GPC6: variants seen among roughly 807,000 people sequenced by gnomAD.
GPC6 encodes glypican-6.
GPC6 carries 14 observed loss-of-function variants against 55.2 expected under a neutral mutation model. That is an observed-to-expected ratio of 0.25 (90% CI 0.17 to 0.40). The LOEUF is 0.40. Among genes scored for constraint, GPC6 ranks in the 10% least tolerant of loss-of-function variants. The probability of loss-of-function intolerance (pLI) is 1.00; values close to 1 mark genes in which losing one functional copy is unlikely to be tolerated. For synonymous variants in GPC6, 278 were observed against 259.6 expected (o/e 1.07, Z -0.68); for missense variants, 641 against 708.5 (o/e 0.90, Z 1.08).
intron 1 of GPC6, among the ~76,000 whole-genome samples, chr13:93,429,691 G>A (rs188876102): frequency 6.1e-4 from 93 of 152,200 alleles, no homozygotes; most frequent in African/African-American, 2.0e-3. Context: ...GACAAGCAAC[G>A]ACTTTTTAGT....
chr13:93,717,248 A>G (rs1173019364), intron 2 of GPC6, among the ~76,000 whole-genome samples: 1 of 151,726 alleles, frequency 6.6e-6, no homozygotes, highest in Admixed American at 6.6e-5. Flanking sequence ...TAGTTATTCT[A>G]TAAATAAAAG....
At chr13:93,877,857 G>A (rs995148401) in intron 3 of GPC6, among the ~76,000 whole-genome samples, 2 of 152,056 alleles carry the variant, frequency 1.3e-5, no homozygotes, top group Non-Finnish European at 2.9e-5. Flanking sequence ...GGTGGAGACA[G>A]AATAGCATGG....
At chr13:94,217,583 T>G (rs762102627) in intron 4 of GPC6, among the ~76,000 whole-genome samples, 2 of 152,184 alleles carry the variant, frequency 1.3e-5, no homozygotes, top group Non-Finnish European at 2.9e-5. Context: ...TATTAGTTAT[T>G]CTGTCTCATC....
chr13:93,303,317 G>A (rs957222017), intron 1 of GPC6, among the ~76,000 whole-genome samples: 3 of 152,088 alleles, frequency 2.0e-5, no homozygotes, highest in Admixed American at 6.6e-5. Flanking sequence ...CAGTTTACTC[G>A]GACTTTGGTT....
At chr13:93,714,698 A>T (rs1249575106) in intron 2 of GPC6, among the ~76,000 whole-genome samples, 1 of 151,682 alleles carries the variant, frequency 6.6e-6, no homozygotes, top group East Asian at 2.0e-4. Context: ...AGCAAATCAC[A>T]AGGAGAAAGC....
chr13:93,430,339 G>A (rs1486021234), intron 1 of GPC6, among the ~76,000 whole-genome samples: 3 of 152,016 alleles, frequency 2.0e-5, no homozygotes, highest in Admixed American at 1.3e-4. Context: ...TTGAGCATTA[G>A]CATGATATTA....
At chr13:93,742,738 T>A (rs1204878261) in intron 2 of GPC6, among the ~76,000 whole-genome samples, 1 of 152,192 alleles carries the variant, frequency 6.6e-6, no homozygotes, top group Non-Finnish European at 1.5e-5. Context: ...AATTTGCTAA[T>A]GATGACAGAC....
intron 4 of GPC6, among the ~76,000 whole-genome samples, chr13:94,141,126 G>A (rs1411745281): frequency 6.6e-6 from 1 of 152,086 alleles, no homozygotes; most frequent in African/African-American, 2.4e-5. Context: ...GTGAGTTACA[G>A]TTTGGTTTTA....
intron 4 of GPC6, among the ~76,000 whole-genome samples, chr13:94,256,013 T>G (rs1444081223): frequency 6.6e-6 from 1 of 151,998 alleles, no homozygotes; most frequent in East Asian, 1.9e-4. Context: ...TGCAACTGAC[T>G]GATATATGCA....
intron 1 of GPC6, among the ~76,000 whole-genome samples, chr13:93,388,839 T>G (rs373080227): frequency 1.2e-4 from 19 of 152,336 alleles, no homozygotes; most frequent in East Asian, 9.6e-4. Flanking sequence ...TTACTTCTAT[T>G]TCCCTGGCAT....
At chr13:93,920,472 G>T (rs193142486) in intron 3 of GPC6, among the ~76,000 whole-genome samples, 1 of 152,152 alleles carries the variant, frequency 6.6e-6, no homozygotes. Context: ...CTACTTGAAG[G>T]TTTCCCTAAT....
chr13:93,297,738 G>A (rs1878542174), intron 1 of GPC6, among the ~76,000 whole-genome samples: 1 of 151,664 alleles, frequency 6.6e-6, no homozygotes, highest in Non-Finnish European at 1.5e-5. Context: ...ACCACTGTTT[G>A]CTGCTTACCA....
At chr13:93,291,476 G>A (rs1878318125) in intron 1 of GPC6, among the ~76,000 whole-genome samples, 1 of 152,152 alleles carries the variant, frequency 6.6e-6, no homozygotes, top group Non-Finnish European at 1.5e-5. Flanking sequence ...TCAAAGTTCA[G>A]TGTAAAAATT....
chr13:94,196,857 A>C (rs1889592509), intron 4 of GPC6, among the ~76,000 whole-genome samples: 1 of 152,218 alleles, frequency 6.6e-6, no homozygotes, highest in Admixed American at 6.5e-5. Flanking sequence ...GCAAAGTAGG[A>C]AATGCAAAAT....
chr13:93,360,571 T>TA (rs140964603), intron 1 of GPC6, among the ~76,000 whole-genome samples: 1,868 of 152,222 alleles, frequency 0.012, 43 homozygotes, highest in African/African-American at 0.042. Context: ...TGTGTGTAGA[T>TA]AAAAAAAGTA....
chr13:94,048,098 T>G (rs1276975269), intron 4 of GPC6, among the ~76,000 whole-genome samples: 1 of 151,806 alleles, frequency 6.6e-6, no homozygotes, highest in African/African-American at 2.4e-5. Context: ...GTTAGAGTCA[T>G]CTACAGGAAG....
At chr13:93,514,550 A>G (rs1055354836) in intron 1 of GPC6, among the ~76,000 whole-genome samples, 5 of 152,206 alleles carry the variant, frequency 3.3e-5, no homozygotes, top group Non-Finnish European at 7.3e-5. Flanking sequence ...AGCATCTCAC[A>G]TCCTTGGTAG....
intron 3 of GPC6, among the ~76,000 whole-genome samples, chr13:93,963,875 T>A (rs926367171): frequency 6.6e-6 from 1 of 152,336 alleles, no homozygotes; most frequent in East Asian, 1.9e-4. Context: ...ATCTGGCTCA[T>A]GTTCAGCCCT....
At chr13:93,491,652 A>G (rs1880010300) in intron 1 of GPC6, among the ~76,000 whole-genome samples, 1 of 143,826 alleles carries the variant, frequency 7.0e-6, no homozygotes, top group Non-Finnish European at 1.5e-5. Context: ...TTATGGTTTT[A>G]GGTCTAATGT....
Sources: allele counts gnomAD v4.1 joint callset (sites outside exome capture counted in the v4.1 genomes callset), GRCh38; gene constraint gnomAD v4.1.1; transcripts MANE v1.5; gene names NCBI Gene and HGNC (gene_info 2026-07-23, HGNC 2026-07-21).